DPP6: variants seen among roughly 807,000 people sequenced by gnomAD.
DPP6 encodes A-type potassium channel modulatory protein DPP6.
A neutral mutation model predicts 122.6 loss-of-function variants in DPP6; 69 were observed. The ratio of observed to expected loss-of-function variants is 0.56; its 90% confidence interval spans 0.46 to 0.69. The LOEUF (loss-of-function observed/expected upper bound fraction) is 0.69, where lower values mean the gene tolerates loss of function less well. Ranked by LOEUF, DPP6 falls within the 30% of genes least tolerant of loss-of-function variation. DPP6 has a pLI of 0.00. For missense variants in DPP6, 928 were observed against 1,116.9 expected, an observed-to-expected ratio of 0.83 and a Z score of 2.41; for synonymous variants, 418 against 433.1, an observed-to-expected ratio of 0.97 and a Z score of 0.43.
intron 3 of DPP6, among the ~76,000 whole-genome samples, chr7:154,531,903 G>A (rs955494598): frequency 6.6e-6 from 1 of 151,866 alleles, no homozygotes; most frequent in African/African-American, 2.4e-5. Context: ...AAAAGCTAAT[G>A]CAAAGAAATG....
intron 1 of DPP6, among the ~76,000 whole-genome samples, chr7:154,355,136 T>C (rs1350328777): frequency 6.6e-6 from 1 of 152,236 alleles, no homozygotes; most frequent in Non-Finnish European, 1.5e-5. Context: ...ATTGGCCATT[T>C]GGGTAGCCTC....
chr7:154,662,001 G>A (rs1430233759), intron 6 of DPP6, among the ~76,000 whole-genome samples: 2 of 149,644 alleles, frequency 1.3e-5, no homozygotes, highest in Non-Finnish European at 3.0e-5. Context: ...TGTTCATATA[G>A]TCATGGTGAA....
chr7:154,850,839 T>G (rs1802311960), intron 16 of DPP6, among the ~76,000 whole-genome samples: 1 of 152,234 alleles, frequency 6.6e-6, no homozygotes, highest in African/African-American at 2.4e-5. Context: ...CTTTTTTTCT[T>G]AGTCTGGCTA....
intron 21 of DPP6, among the ~76,000 whole-genome samples, chr7:154,881,928 G>C (rs536687193): frequency 6.6e-6 from 1 of 152,316 alleles, no homozygotes; most frequent in African/African-American, 2.4e-5. Flanking sequence ...CGAAGCCACT[G>C]GGTCATTGGT....
At chr7:154,509,331 A>G (rs183396533) in intron 3 of DPP6, among the ~76,000 whole-genome samples, 3 of 152,360 alleles carry the variant, frequency 2.0e-5, no homozygotes. Flanking sequence ...ATCTGAGGAG[A>G]CATATCTCCA....
At chr7:154,201,648 G>C (rs1799179305) in intron 1 of DPP6, among the ~76,000 whole-genome samples, 1 of 152,160 alleles carries the variant, frequency 6.6e-6, no homozygotes, top group Admixed American at 6.5e-5. Flanking sequence ...AGTCATTTCT[G>C]TACCCTCTAG....
At chr7:153,907,314 G>A (rs879121886) in intron 1 of DPP6, among the ~76,000 whole-genome samples, 31 of 152,112 alleles carry the variant, frequency 2.0e-4, no homozygotes, top group African/African-American at 6.5e-4. Context: ...TGATGGCTTC[G>A]TGTGGATCAA....
chr7:154,439,148 C>T (rs1333142553), intron 1 of DPP6, among the ~76,000 whole-genome samples: 1 of 152,092 alleles, frequency 6.6e-6, no homozygotes, highest in Non-Finnish European at 1.5e-5. Context: ...TTATTGAGTG[C>T]CTGCAGGGAT....
At chr7:154,405,355 A>G (rs1815993318) in intron 1 of DPP6, among the ~76,000 whole-genome samples, 1 of 152,174 alleles carries the variant, frequency 6.6e-6, no homozygotes, top group African/African-American at 2.4e-5. Context: ...GGTTTAAATA[A>G]TGTTTTGTGA....
chr7:154,662,933 A>C (rs1368000605), intron 6 of DPP6, among the ~76,000 whole-genome samples: 7 of 66,456 alleles, frequency 1.1e-4, no homozygotes, highest in Admixed American at 2.0e-4. Flanking sequence ...AGTCATGGTG[A>C]ATCACCATGG....
intron 1 of DPP6, among the ~76,000 whole-genome samples, chr7:153,993,277 G>C (rs1448568260): frequency 1.3e-5 from 2 of 152,292 alleles, no homozygotes; most frequent in East Asian, 3.9e-4. Flanking sequence ...TGAAGCAATA[G>C]ATCTAGCACC....
intron 8 of DPP6, among the ~76,000 whole-genome samples, chr7:154,767,937 G>A (rs545820851): frequency 3.9e-5 from 6 of 152,312 alleles, no homozygotes; most frequent in South Asian, 2.1e-4. Flanking sequence ...GAAGACTCAC[G>A]TGACAGGGGA....
At chr7:154,888,992 C>T (rs1274399726) in intron 23 of DPP6, among the ~76,000 whole-genome samples, 1 of 152,180 alleles carries the variant, frequency 6.6e-6, no homozygotes, top group Non-Finnish European at 1.5e-5. Flanking sequence ...GAAAGACCCA[C>T]CCCCATGATT....
chr7:154,486,561 C>T lies in DPP6; in HGVS notation c.457+11524C>T, dbSNP rs1429917633. 6.6e-6 allele frequency among the ~76,000 whole-genome samples: 1 copy of T among 152,294 alleles called. No homozygotes were observed. The highest frequency in any genetic ancestry group is 1.5e-5 in the Non-Finnish European group (1 of 68,020). ...CTCTGCTTCAGAAAGTCTCATTAAT[C>T]CTCATGGCTTGACCCAAAATACATT... On this transcript the variant is annotated intron_variant, in intron 3 of 25. Coordinates refer to ENST00000377770, the MANE Select transcript of DPP6 (RefSeq NM_130797.4). The surrounding 1 kb of genome is among the most constrained non-coding windows in gnomAD (Gnocchi z 4.5).
At chr7:154,567,223 GT>G (rs1232641246) in intron 5 of DPP6, among the ~76,000 whole-genome samples, 3 of 152,080 alleles carry the variant, frequency 2.0e-5, no homozygotes. Flanking sequence ...TTTTCTGGCT[GT>G]TTTCTCAGTG....
intron 20 of DPP6, among the ~76,000 whole-genome samples, chr7:154,879,790 C>A (rs1056343354): frequency 6.6e-6 from 1 of 152,158 alleles, no homozygotes; most frequent in African/African-American, 2.4e-5. Flanking sequence ...TGGAGCTGCT[C>A]TCTCCTTTGC....
intron 1 of DPP6, among the ~76,000 whole-genome samples, chr7:154,326,480 G>T (rs994252062): frequency 5.3e-5 from 8 of 152,158 alleles, no homozygotes; most frequent in African/African-American, 1.7e-4. Context: ...TAAGAAATGC[G>T]ATATGAATAT....
At chr7:154,345,152 C>A (rs1258639313) in intron 1 of DPP6, among the ~76,000 whole-genome samples, 3 of 152,224 alleles carry the variant, frequency 2.0e-5, no homozygotes, top group African/African-American at 7.2e-5. Context: ...AGGGTGCGGG[C>A]AGCTTTGGTG....
At chr7:154,487,250 G>GT (rs1823877822) in intron 3 of DPP6, among the ~76,000 whole-genome samples, 1 of 151,992 alleles carries the variant, frequency 6.6e-6, no homozygotes, top group South Asian at 2.1e-4. Context: ...AGATGTTCAT[G>GT]TTTTTTTCCT....
Sources: gnomAD v4.1 joint callset for allele counts (sites outside exome capture counted in the v4.1 genomes callset) on GRCh38, gnomAD v4.1.1 for gene constraint, Gnocchi (gnomAD v3.1) non-coding constraint, MANE v1.5 for transcripts, NCBI Gene and HGNC (gene_info 2026-07-23, HGNC 2026-07-21) for gene names.